Variants in POF1B observed in about 807,000 individuals in gnomAD.
The protein encoded by POF1B is POF1B actin binding protein.
A neutral mutation model predicts 55.3 loss-of-function variants in POF1B; 53 were observed. The ratio of observed to expected loss-of-function variants is 0.96; its 90% confidence interval spans 0.77 to 1.20. The LOEUF is 1.20. POF1B is among the 50% of genes most tolerant of loss of function. The probability of loss-of-function intolerance (pLI) is 0.00; values close to 1 mark genes in which losing one functional copy is unlikely to be tolerated. For missense variants in POF1B, 478 were observed against 420.5 expected (o/e 1.14, Z -1.20); for synonymous variants, 188 against 148.3 (o/e 1.27, Z -1.95).
At chrX:85,320,550 A>G (rs1932827196) in intron 7 of POF1B, among the ~76,000 whole-genome samples, 1 of 111,357 alleles carries the variant, frequency 9.0e-6, no homozygotes, top group South Asian at 3.8e-4. Flanking sequence ...GCAAGAGCAA[A>G]CACATTCAAA....
At chrX:85,334,469 T>A (rs777174125) in intron 6 of POF1B, among the ~76,000 whole-genome samples, 1 of 111,144 alleles carries the variant, frequency 9.0e-6, no homozygotes, top group African/African-American at 3.3e-5. Context: ...ACTACAAAAA[T>A]TGTTAGATTC....
At chrX:85,331,113 A>G in intron 6 of POF1B, 34 bp from the exon 7 acceptor site, 1 of 1,163,963 alleles carries the variant, frequency 8.6e-7, no homozygotes, top group Admixed American at 2.4e-5. Context: ...TGTAAGCAAT[A>G]TTAAGTTTTT....
At chrX:85,372,343 C>CA (rs35860898) in intron 2 of POF1B, among the ~76,000 whole-genome samples, 3,902 of 64,383 alleles carry the variant, frequency 0.061, 255 homozygotes, top group African/African-American at 0.2. Flanking sequence ...GACTCTGTCT[C>CA]AAAAAAAAAA....
intron 5 of POF1B, among the ~76,000 whole-genome samples, chrX:85,348,657 A>G (rs1379067230): frequency 9.0e-6 from 1 of 111,399 alleles, no homozygotes; most frequent in Non-Finnish European, 1.9e-5. Context: ...TACACTGGGC[A>G]GCTTTCGTGG....
chrX:85,362,685 A>G (rs912388428), intron 3 of POF1B, among the ~76,000 whole-genome samples: 1 of 111,414 alleles, frequency 9.0e-6, no homozygotes, highest in Non-Finnish European at 1.9e-5. Flanking sequence ...CTCATCAAGG[A>G]TATTGGCCTG....
chrX:85,369,275 G>A (rs1933780447), intron 2 of POF1B, among the ~76,000 whole-genome samples: 1 of 111,533 alleles, frequency 9.0e-6, no homozygotes, highest in Non-Finnish European at 1.9e-5. Flanking sequence ...TTAGGAAAAT[G>A]GTTATAAATA....
At chrX:85,282,689 C>A (rs1278030039) in intron 15 of POF1B, among the ~76,000 whole-genome samples, 1 of 110,320 alleles carries the variant, frequency 9.1e-6, no homozygotes, top group South Asian at 3.8e-4. Context: ...AGCAGTCTCA[C>A]CAAGATAAGG....
At chrX:85,325,355 T>A (rs1932885969) in intron 7 of POF1B, among the ~76,000 whole-genome samples, 1 of 111,854 alleles carries the variant, frequency 8.9e-6, no homozygotes, top group Non-Finnish European at 1.9e-5. Context: ...AATCCCTTAT[T>A]TCTCAGATGT....
rs753685129 is a variant in POF1B at position 85,312,691 on chromosome X, A to AT, written c.957+1740dup. On this transcript the variant is annotated intron_variant, in intron 9 of 16. Transcript: ENST00000262753. ...TTTGGTTCCATATGTAATTTAAAGT[A>AT]TTTTTTCTAATTCTGTGAAGAAAGT... Among the ~76,000 whole-genome samples the AT allele has an allele frequency of 1.7e-4, 19 of 110,657 alleles. No individual in the cohort carries two copies. In the East Asian group the frequency reaches 2.9e-3, roughly 17 times the overall value.
At chrX:85,334,650 A>C (rs1032415062) in intron 6 of POF1B, among the ~76,000 whole-genome samples, 4 of 111,229 alleles carry the variant, frequency 3.6e-5, no homozygotes, top group African/African-American at 1.3e-4. Flanking sequence ...GAGGCAAATT[A>C]GTGTCCATTT....
At chrX:85,301,236 A>G (rs775503968) in intron 15 of POF1B, among the ~76,000 whole-genome samples, 132 of 111,963 alleles carry the variant, frequency 1.2e-3, no homozygotes, top group African/African-American at 4.1e-3. Context: ...ATAGAAAAAA[A>G]TAATCTTGAA....
chrX:85,317,028 G>A (rs1381968684), intron 7 of POF1B, among the ~76,000 whole-genome samples: 3 of 110,006 alleles, frequency 2.7e-5, no homozygotes, highest in Non-Finnish European at 5.7e-5. Context: ...CTCCAGCTCC[G>A]TCCATGTCCC....
At chrX:85,369,850 G>A in intron 2 of POF1B, among the ~76,000 whole-genome samples, 1 of 111,811 alleles carries the variant, frequency 8.9e-6, no homozygotes, top group Admixed American at 9.5e-5. Flanking sequence ...ACATCCACCA[G>A]CAGTGTGTGA....
chrX:85,316,207 C>A, intron 7 of POF1B, among the ~76,000 whole-genome samples: 1 of 111,745 alleles, frequency 8.9e-6, no homozygotes, highest in Non-Finnish European at 1.9e-5. Flanking sequence ...GCTTGCAAGA[C>A]AAGCCTGAAT....
intron 7 of POF1B, among the ~76,000 whole-genome samples, chrX:85,319,371 G>T (rs1465952421): frequency 9.0e-6 from 1 of 110,963 alleles, no homozygotes; most frequent in Non-Finnish European, 1.9e-5. Context: ...TCTTTCTCTT[G>T]CCAGATAGCT....
intron 7 of POF1B, among the ~76,000 whole-genome samples, chrX:85,316,704 T>C (rs898120166): frequency 9.0e-6 from 1 of 111,481 alleles, no homozygotes; most frequent in South Asian, 3.7e-4. Flanking sequence ...CATTCCAAGA[T>C]TGATTTGTCT....
At chrX:85,357,079 A>T (rs1242515079) in intron 4 of POF1B, among the ~76,000 whole-genome samples, 1 of 109,541 alleles carries the variant, frequency 9.1e-6, no homozygotes, top group Non-Finnish European at 1.9e-5. Flanking sequence ...CTGTGCTTAT[A>T]CTCCCTCTTT....
intron 7 of POF1B, among the ~76,000 whole-genome samples, chrX:85,321,577 G>T (rs778407860): frequency 1.2e-3 from 131 of 108,827 alleles, no homozygotes; most frequent in African/African-American, 3.6e-3. Context: ...AACATAGTGT[G>T]GGAAGTTCTG....
intron 13 of POF1B, among the ~76,000 whole-genome samples, chrX:85,305,312 A>G (rs1242877062): frequency 9.0e-6 from 1 of 111,142 alleles, no homozygotes; most frequent in African/African-American, 3.3e-5. Flanking sequence ...ACTTATAAAT[A>G]TCACCTTAAT....
Sources: gnomAD v4.1 joint callset for allele counts (sites outside exome capture counted in the v4.1 genomes callset) on GRCh38, gnomAD v4.1.1 for gene constraint, MANE v1.5 for transcripts, NCBI Gene and HGNC (gene_info 2026-07-23, HGNC 2026-07-21) for gene names.